FXR1: variants seen among roughly 807,000 people sequenced by gnomAD.
FXR1 encodes RNA-binding protein FXR1.
Under a neutral mutation model 84.0 loss-of-function variants are expected in FXR1, and 15 were observed. The ratio of observed to expected loss-of-function variants is 0.18; its 90% CI spans 0.12 to 0.27. The LOEUF is 0.27. Among genes scored for constraint, FXR1 ranks in the 10% least tolerant of loss-of-function variants. The probability of loss-of-function intolerance (pLI) is 1.00; values close to 1 mark genes in which losing one functional copy is unlikely to be tolerated. For synonymous variants in FXR1, 245 were observed against 250.7 expected, an observed-to-expected ratio of 0.98 and a Z score of 0.21; for missense variants, 480 against 774.4, an observed-to-expected ratio of 0.62 and a Z score of 4.51.
intron 7 of FXR1, among the ~76,000 whole-genome samples, chr3:180,950,541 G>C (rs1212651289): frequency 6.6e-6 from 1 of 151,412 alleles, no homozygotes; most frequent in African/African-American, 2.5e-5. Context: ...CCATTTTTAA[G>C]TGTACACTTA....
chr3:180,976,041 T>C, intron 16 of FXR1, 81 bp from the exon 17 acceptor site: 2 of 1,023,678 alleles, frequency 2.0e-6, no homozygotes, highest in Non-Finnish European at 2.9e-6. Context: ...AATTAGCTAA[T>C]TAGTGTTTAT....
At chr3:180,920,422 G>T (rs973943379) in intron 1 of FXR1, among the ~76,000 whole-genome samples, 1 of 151,844 alleles carries the variant, frequency 6.6e-6, no homozygotes, top group Non-Finnish European at 1.5e-5. Flanking sequence ...TTTGATCTTG[G>T]TCAAGTTCAG....
chr3:180,948,298 CATT>C (rs1488208365), intron 4 of FXR1, 46 bp from the exon 5 acceptor site: 1 of 1,364,080 alleles, frequency 7.3e-7, no homozygotes, highest in East Asian at 2.3e-5. Context: ...ATTTAAACTT[CATT>C]ATTTTTGTTC....
intron 1 of FXR1, among the ~76,000 whole-genome samples, chr3:180,931,819 C>T (rs1420817988): frequency 6.9e-6 from 1 of 143,972 alleles, no homozygotes; most frequent in Non-Finnish European, 1.5e-5. Flanking sequence ...TGGCTCACTG[C>T]AACCTCTGCC....
At position 180,977,637 on chromosome 3, in the gene FXR1, T is replaced by A. The variant is rs906846731; in HGVS notation, c.*1345T>A. ...ATGGACAACAGTTAGTACAGCTAAT[T>A]GTGAGGTCAAGTAATTGTTAGACAT... On this transcript the variant is annotated 3_prime_UTR_variant, in exon 17 of 17. Coordinates refer to ENST00000357559, the MANE Select transcript of FXR1 (RefSeq NM_005087.4). The A allele has an allele frequency of 6.6e-6, 1 of 152,122 alleles. No homozygotes were observed. The highest frequency in any genetic ancestry group is 1.5e-5 in the Non-Finnish European group (1 of 67,970). The allele number at this position is 152,122 out of a possible 1,614,324, so 9.4% of individuals were successfully genotyped here.
At position 180,973,292 on chromosome 3, in the gene FXR1, A is replaced by T. The variant is rs527332703; in HGVS notation, c.1604-2021A>T. On this transcript the variant is annotated intron_variant, in intron 15 of 16. Transcript: ENST00000357559. Reference sequence around the variant, plus strand: ...GTTAATTTAGTTGATAACTATATCAAAATATTATTCTGTCTCTGTACACAG... The same window carrying T: ...GTTAATTTAGTTGATAACTATATCATAATATTATTCTGTCTCTGTACACAG... Among the ~76,000 whole-genome samples the T allele has an allele frequency of 1.4e-4, 22 of 152,276 alleles. No individual in the cohort carries two copies. The South Asian group carries it at 4.6e-3, about 32-fold the overall frequency.
intron 9 of FXR1, among the ~76,000 whole-genome samples, chr3:180,954,722 G>T (rs886299169): frequency 2.0e-5 from 3 of 151,836 alleles, no homozygotes; most frequent in Non-Finnish European, 2.9e-5. Flanking sequence ...TTTTTTTGAC[G>T]CTAGGGAAAT....
intron 10 of FXR1, 144 bp downstream of exon 10, chr3:180,958,072 C>G: frequency 2.2e-6 from 1 of 451,394 alleles, no homozygotes; most frequent in Non-Finnish European, 4.0e-6. Context: ...ATTTCATACA[C>G]TTAGAAAACA....
chr3:180,942,204 C>G (rs2108455932), intron 3 of FXR1, among the ~76,000 whole-genome samples: 1 of 151,734 alleles, frequency 6.6e-6, no homozygotes, highest in Admixed American at 6.6e-5. Flanking sequence ...CGGTGAAACC[C>G]CATCTCTACT....
At chr3:180,917,056 G>A (rs1192673423) in intron 1 of FXR1, among the ~76,000 whole-genome samples, 1 of 151,818 alleles carries the variant, frequency 6.6e-6, no homozygotes, top group Non-Finnish European at 1.5e-5. Context: ...GGATGTTCTC[G>A]ATCTCCAGGA....
At chr3:180,920,502 C>T (rs1366685316) in intron 1 of FXR1, among the ~76,000 whole-genome samples, 1 of 150,354 alleles carries the variant, frequency 6.7e-6, no homozygotes, top group Non-Finnish European at 1.5e-5. Flanking sequence ...ACGAGAAAGT[C>T]AGAATAGTTT....
chr3:180,958,266 A>G (rs1711585961), intron 10 of FXR1, among the ~76,000 whole-genome samples: 2 of 151,928 alleles, frequency 1.3e-5, no homozygotes, highest in South Asian at 4.2e-4. Flanking sequence ...TTTTTGGGGT[A>G]TAGGTGGTTT....
rs1039370997 is a variant in FXR1, at chr3:180,948,961, A to C, written c.513+147A>C. 5 of 624,932 alleles carry C rather than the reference A, an allele frequency of 8.0e-6. No homozygotes were observed. In the Admixed American group the frequency reaches 8.9e-5, roughly 11 times the overall value. 38.7% of individuals were successfully genotyped at this position (624,932 alleles called of 1,614,324 possible). ...GTGGGAGAAAAATTTGTTTGCAGCT[A>C]TAAAATGTTAATTACATTCTTAACA... On this transcript the variant is annotated intron_variant, in intron 6 of 16. Coordinates refer to ENST00000357559, the MANE Select transcript of FXR1 (RefSeq NM_005087.4).
At chr3:180,940,454 C>G (rs1720992640) in intron 3 of FXR1, among the ~76,000 whole-genome samples, 1 of 152,088 alleles carries the variant, frequency 6.6e-6, no homozygotes, top group Admixed American at 6.6e-5. Flanking sequence ...TCACATGTAA[C>G]ATTTTTGCTT....
chr3:180,968,550 G>C, intron 14 of FXR1: 1 of 248,210 alleles, frequency 4.0e-6, no homozygotes, highest in Non-Finnish European at 7.8e-6. Flanking sequence ...AATTTTTTTT[G>C]TTTTCCCTAG....
chr3:180,915,431 A>G, intron 1 of FXR1: 2 of 977,918 alleles, frequency 2.0e-6, no homozygotes, highest in East Asian at 2.6e-5. Context: ...CGTACACTAT[A>G]TTGTGTAGTG....
intron 3 of FXR1, among the ~76,000 whole-genome samples, chr3:180,943,020 G>A (rs1188675233): frequency 6.6e-6 from 1 of 152,128 alleles, no homozygotes; most frequent in Non-Finnish European, 1.5e-5. Flanking sequence ...AGGCTGGAGT[G>A]CAGTGGCGTG....
intron 3 of FXR1, 54 bp from the exon 4 acceptor site, chr3:180,947,811 C>T (rs1721851379): frequency 4.5e-6 from 4 of 896,914 alleles, no homozygotes; most frequent in African/African-American, 1.7e-5. Context: ...AAGTCATTTA[C>T]AGCATTGAAA....
At chr3:180,947,371 T>C (rs1721810232) in intron 3 of FXR1, among the ~76,000 whole-genome samples, 1 of 152,220 alleles carries the variant, frequency 6.6e-6, no homozygotes, top group Non-Finnish European at 1.5e-5. Context: ...GTAAGATACT[T>C]AATGTATTCT....
Sources: allele counts gnomAD v4.1 joint callset (sites outside exome capture counted in the v4.1 genomes callset), GRCh38; gene constraint gnomAD v4.1.1; transcripts MANE v1.5; gene names NCBI Gene and HGNC (gene_info 2026-07-23, HGNC 2026-07-21).